The following EPHX1 variants were observed in gnomAD, a reference collection of about 807,000 sequenced individuals.
EPHX1 encodes the protein epoxide hydrolase 1, also known as epoxide hydratase.
EPHX1 carries 40 observed loss-of-function variants against 43.2 expected under a neutral mutation model. The observed-to-expected ratio is 0.93, with a 90% CI of 0.72 to 1.21. The LOEUF (loss-of-function observed/expected upper bound fraction) is 1.21. EPHX1 is among the 50% of genes most tolerant of loss of function. The probability of loss-of-function intolerance (pLI) is 0.00; values close to 1 mark genes in which losing one functional copy is unlikely to be tolerated. For missense variants in EPHX1, 550 were observed against 570.4 expected, an observed-to-expected ratio of 0.96 and a Z score of 0.36; for synonymous variants, 221 against 226.7, an observed-to-expected ratio of 0.98 and a Z score of 0.22.
At chr1:225,836,146 C>T (rs187410644) in intron 3 of EPHX1, among the ~76,000 whole-genome samples, 1 of 152,320 alleles carries the variant, frequency 6.6e-6, no homozygotes, top group East Asian at 1.9e-4. Flanking sequence ...TGAACTGTCA[C>T]AGCCAAGAAG....
At position 225,842,451 on chromosome 1, in the gene EPHX1, CCTGGA is replaced by C. The variant is rs1205356901; in HGVS notation, c.1018_1022del (p.Leu340GlyfsTer47). ...CCTGGACCAATACGGAATTCCGATACCTGGAGGATGGAGGCCTGGAAAGGTGAGGC... is the reference window on the plus strand; with the variant it reads ...CCTGGACCAATACGGAATTCCGATACGGATGGAGGCCTGGAAAGGTGAGGC... On this transcript the variant is annotated frameshift_variant, in exon 7 of 9. Transcript: ENST00000272167. LOFTEE classifies it high-confidence loss of function. The C allele has an allele frequency of 6.2e-7, 1 of 1,613,742 alleles. No homozygotes were observed. Among genetic ancestry groups the C allele is most frequent in the South Asian group, 1.1e-5 (1 of 91,072 alleles).
intron 3 of EPHX1, among the ~76,000 whole-genome samples, chr1:225,834,112 GAA>G (rs59007136): frequency 1.2e-4 from 13 of 105,798 alleles, no homozygotes; most frequent in Admixed American, 3.3e-4. Context: ...AAAAAAAAAA[GAA>G]AAAAAAAAAA....
chr1:225,835,391 T>C (rs1667899958), intron 3 of EPHX1, among the ~76,000 whole-genome samples: 1 of 148,196 alleles, frequency 6.7e-6, no homozygotes, highest in African/African-American at 2.5e-5. Context: ...GCTTTTTTTT[T>C]TTTTTTTTTT....
rs1406386223 is a variant in EPHX1, at chr1:225,839,362, G to T, written c.722+16G>T. The T allele has an allele frequency of 1.3e-6, 2 of 1,584,954 alleles. No homozygotes were observed. ...TGGTGCCCAGGTGAGGTCACTGTTG[G>T]GGTGGTGTGTGTGTGTGTGTGTGTG... On this transcript the variant is annotated intron_variant, in intron 5 of 8. Coordinates refer to ENST00000272167, the MANE Select transcript of EPHX1 (RefSeq NM_001136018.4).
chr1:225,831,850 C>T lies in EPHX1; in HGVS notation c.255C>T (p.Phe85=), dbSNP rs1310590499. 2 of 1,614,080 alleles carry T rather than the reference C, an allele frequency of 1.2e-6. No individual in the cohort carries two copies. The highest frequency in any genetic ancestry group is 2.7e-5 in the African/African-American group (2 of 74,926). The change falls in exon 3 of 9, where the codon TTC becomes TTT. Residue 85 remains phenylalanine (F), a synonymous_variant. Transcript: ENST00000272167. Reference sequence around the variant, plus strand: ...AGGACAGCTGCTTCCACTATGGCTTCAACTCCAACTACCTGAAGAAAGTCA... The same window carrying T: ...AGGACAGCTGCTTCCACTATGGCTTTAACTCCAACTACCTGAAGAAAGTCA... The part of the protein sequence containing the change: ...PLEDSCFHYG[F]NSNYLKKVIS...
chr1:225,839,108 C>A, intron 4 of EPHX1, 109 bp from the exon 5 acceptor site: 1 of 1,562,236 alleles, frequency 6.4e-7, no homozygotes, highest in Non-Finnish European at 8.7e-7. Context: ...GCTTTTCTGA[C>A]CTCCACCTGG....
rs748867446 is a variant in EPHX1 at position 225,839,152 on chromosome 1, C to T, written c.593-65C>T. The T allele has an allele frequency of 1.9e-6, 3 of 1,611,336 alleles. No individual in the cohort carries two copies. The Admixed American group carries it at 5.0e-5, about 27-fold the overall frequency. On this transcript the variant is annotated intron_variant, in intron 4 of 8. Coordinates refer to ENST00000272167, the MANE Select transcript of EPHX1 (RefSeq NM_001136018.4). Reference sequence around the variant, plus strand: ...GGGCCTGAGAAATTTCATAGAACACCAGAGGGCCCAAGGAGCAATCTGCCT... The same window carrying T: ...GGGCCTGAGAAATTTCATAGAACACTAGAGGGCCCAAGGAGCAATCTGCCT...
intron 1 of EPHX1, among the ~76,000 whole-genome samples, chr1:225,814,626 CAGG>C (rs758246624): frequency 1.4e-4 from 22 of 152,314 alleles, no homozygotes; most frequent in Non-Finnish European, 2.5e-4. Flanking sequence ...TGACCGGGAG[CAGG>C]AGGTCTCAGT....
At chr1:225,840,364 G>A (rs1414821643) in intron 6 of EPHX1, among the ~76,000 whole-genome samples, 1 of 152,170 alleles carries the variant, frequency 6.6e-6, no homozygotes, top group Non-Finnish European at 1.5e-5. Flanking sequence ...TCCTGGGAGT[G>A]GGCAGCTCTG....
In EPHX1 at chr1:225,845,553, T is replaced by G. The variant is rs1668906131; in HGVS notation, c.*206T>G. On this transcript the variant is annotated 3_prime_UTR_variant, in exon 9 of 9. Coordinates refer to ENST00000272167, the MANE Select transcript of EPHX1 (RefSeq NM_001136018.4). Reference sequence around the variant, plus strand: ...AACATGGCTTTGATGATAAACGACTTTACTCTAAAAGCGGCTGGAACTCAG... The same window carrying G: ...AACATGGCTTTGATGATAAACGACTGTACTCTAAAAGCGGCTGGAACTCAG... 3.2e-6 allele frequency: 2 copies of G among 615,548 alleles called. No individual in the cohort carries two copies. Among genetic ancestry groups the G allele is most frequent in the Non-Finnish European group, 5.7e-6 (2 of 350,740 alleles). 38.1% of individuals were successfully genotyped at this position (615,548 alleles called of 1,614,324 possible).
rs115190977 is a variant in EPHX1 at position 225,826,696 on chromosome 1, G to A, written c.-5-2029G>A. Among the ~76,000 whole-genome samples the A allele has an allele frequency of 5.9e-3, 905 of 152,252 alleles. 13 individuals carry two copies. Among genetic ancestry groups the A allele is most frequent in the African/African-American group, 0.021 (859 of 41,546 alleles). ...GATTCCCAGGACGAAGGCTGCAGTC[G>A]GTTCTAAGAAGTATGCTGGTGACTA... On this transcript the variant is annotated intron_variant, in intron 1 of 8. Coordinates refer to ENST00000272167, the MANE Select transcript of EPHX1 (RefSeq NM_001136018.4).
rs200804772 is a variant in EPHX1 at position 225,831,914 on chromosome 1, G to T, written c.319G>T (p.Val107Leu). Reference protein sequence around the residue: ...WRNEFDWKKQVEILNRYPHFK... With the variant: ...WRNEFDWKKQLEILNRYPHFK... ...GAATGAATTTGACTGGAAGAAGCAG[G>T]TGGAGATTCTCAACAGATACCCTCA... Residue 107 changes from valine (V) to leucine (L), a missense_variant, in exon 3 of 9, where the codon GTG becomes TTG. Coordinates refer to ENST00000272167, the MANE Select transcript of EPHX1 (RefSeq NM_001136018.4). 6.2e-7 allele frequency: 1 copy of T among 1,614,170 alleles called. No homozygotes were observed. Among genetic ancestry groups the T allele is most frequent in the Non-Finnish European group, 8.5e-7 (1 of 1,180,040 alleles).
chr1:225,823,427 C>G (rs537754676), intron 1 of EPHX1, among the ~76,000 whole-genome samples: 66 of 152,308 alleles, frequency 4.3e-4, no homozygotes, highest in African/African-American at 1.6e-3. Flanking sequence ...TGGGGAGTCT[C>G]CGGGAAACCC....
At chr1:225,826,528 T>C (rs1364179709) in intron 1 of EPHX1, among the ~76,000 whole-genome samples, 1 of 149,412 alleles carries the variant, frequency 6.7e-6, no homozygotes, top group Non-Finnish European at 1.5e-5. Flanking sequence ...GTCCCACGTG[T>C]CTCCAGCAGG....
At chr1:225,822,230 C>T (rs1415610365) in intron 1 of EPHX1, among the ~76,000 whole-genome samples, 2 of 152,044 alleles carry the variant, frequency 1.3e-5, no homozygotes, top group Non-Finnish European at 2.9e-5. Flanking sequence ...CTTCCAGTCA[C>T]GTTTTTAAAA....
chr1:225,840,627 C>A (rs944192148), intron 6 of EPHX1, among the ~76,000 whole-genome samples: 1 of 152,208 alleles, frequency 6.6e-6, no homozygotes, highest in Non-Finnish European at 1.5e-5. Flanking sequence ...TCAATTAAAT[C>A]TCCATGGGAC....
rs1238180255 is a variant in EPHX1, at chr1:225,831,759, G to T, written c.184-20G>T. Reference sequence around the variant, plus strand: ...GTCCTTCCCATCCCTCTCAACTTGGGGTCCTGAATTTTGCTCCAGGACTTA... The same window carrying T: ...GTCCTTCCCATCCCTCTCAACTTGGTGTCCTGAATTTTGCTCCAGGACTTA... On this transcript the variant is annotated intron_variant, in intron 2 of 8. Coordinates refer to ENST00000272167, the MANE Select transcript of EPHX1 (RefSeq NM_001136018.4). The T allele has an allele frequency of 1.2e-6, 2 of 1,612,778 alleles. No individual in the cohort carries two copies. The highest frequency in any genetic ancestry group is 4.5e-5 in the East Asian group (2 of 44,868).
intron 3 of EPHX1, among the ~76,000 whole-genome samples, chr1:225,836,286 C>T (rs542022537): frequency 3.9e-5 from 6 of 152,234 alleles, no homozygotes; most frequent in African/African-American, 1.4e-4. Context: ...CCAGCATTAT[C>T]CAGGTTTTAA....
At chr1:225,829,333 C>T (rs555749546) in intron 2 of EPHX1, among the ~76,000 whole-genome samples, 1 of 152,206 alleles carries the variant, frequency 6.6e-6, no homozygotes, top group Non-Finnish European at 1.5e-5. Flanking sequence ...TGTGTGTCAG[C>T]CATTCCTGGT....
Sources: gnomAD v4.1 joint callset for allele counts (sites outside exome capture counted in the v4.1 genomes callset) on GRCh38, gnomAD v4.1.1 for gene constraint, MANE v1.5 for transcripts, NCBI Gene and HGNC (gene_info 2026-07-23, HGNC 2026-07-21) for gene names.